Variants in PTPN9 observed in about 807,000 individuals in gnomAD.
PTPN9 encodes the protein protein tyrosine phosphatase non-receptor type 9.
PTPN9 carries 26 observed loss-of-function variants against 69.8 expected under a neutral mutation model. The observed-to-expected ratio is 0.37, with a 90% confidence interval of 0.27 to 0.52. The LOEUF (loss-of-function observed/expected upper bound fraction) is 0.52. PTPN9 is among the 20% of genes least tolerant of loss of function. The pLI, the probability that PTPN9 is intolerant of heterozygous loss-of-function variation, is 0.91. For synonymous variants in PTPN9, 274 were observed against 272.5 expected (o/e 1.01, Z -0.05); for missense variants, 549 against 740.3 (o/e 0.74, Z 3.00).
At chr15:75,576,302 C>T (rs1047257608) in intron 1 of PTPN9, among the ~76,000 whole-genome samples, 39 of 152,024 alleles carry the variant, frequency 2.6e-4, no homozygotes, top group African/African-American at 9.2e-4. Context: ...GAGGCCAAGG[C>T]GGGTGGATCA....
At chr15:75,540,543 TAA>T (rs1295928433) in intron 1 of PTPN9, among the ~76,000 whole-genome samples, 7 of 112,786 alleles carry the variant, frequency 6.2e-5, no homozygotes, top group Non-Finnish European at 1.8e-5. Flanking sequence ...ACTCTGTCTC[TAA>T]AAAAAAAAAA....
At chr15:75,537,930 C>T (rs543167648) in intron 1 of PTPN9, among the ~76,000 whole-genome samples, 2 of 146,000 alleles carry the variant, frequency 1.4e-5, no homozygotes, top group Non-Finnish European at 3.0e-5. Context: ...GTGGTGGTGC[C>T]TGCCTGTAAT....
chr15:75,494,180 G>A (rs969669099), intron 7 of PTPN9, among the ~76,000 whole-genome samples: 2 of 149,066 alleles, frequency 1.3e-5, no homozygotes, highest in Non-Finnish European at 3.0e-5. Flanking sequence ...TACATATAGA[G>A]AGAGAGCGCG....
intron 5 of PTPN9, among the ~76,000 whole-genome samples, chr15:75,511,838 C>A (rs1319579562): frequency 6.6e-6 from 1 of 150,636 alleles, no homozygotes; most frequent in Admixed American, 6.7e-5. Flanking sequence ...TTATCTTTTC[C>A]TTTTAATTTT....
At chr15:75,474,899 C>T (rs1159023159) in intron 9 of PTPN9, among the ~76,000 whole-genome samples, 1 of 152,148 alleles carries the variant, frequency 6.6e-6, no homozygotes, top group Non-Finnish European at 1.5e-5. Context: ...AACATAGACA[C>T]ACCATGCTCA....
intron 9 of PTPN9, among the ~76,000 whole-genome samples, chr15:75,479,361 CTTA>C (rs976830765): frequency 2.0e-5 from 3 of 152,262 alleles, no homozygotes; most frequent in African/African-American, 7.2e-5. Flanking sequence ...CACTGTCAGA[CTTA>C]TTAGCACATA....
chr15:75,511,419 T>C (rs918061310), intron 5 of PTPN9, among the ~76,000 whole-genome samples: 1 of 152,036 alleles, frequency 6.6e-6, no homozygotes. Context: ...TGTATTTTTG[T>C]AGAATAAAAA....
intron 10 of PTPN9, among the ~76,000 whole-genome samples, chr15:75,473,327 G>A (rs1595945149): frequency 6.6e-6 from 1 of 151,972 alleles, no homozygotes; most frequent in Non-Finnish European, 1.5e-5. Context: ...TCAGCTCACT[G>A]CAACCTCTGC....
chr15:75,498,204 T>C (rs2074753963), intron 7 of PTPN9, among the ~76,000 whole-genome samples: 1 of 151,610 alleles, frequency 6.6e-6, no homozygotes, highest in Non-Finnish European at 1.5e-5. Flanking sequence ...CAGAGAAATA[T>C]ATATATATAT....
chr15:75,504,460 G>A (rs1174860732), intron 7 of PTPN9, among the ~76,000 whole-genome samples: 1 of 133,224 alleles, frequency 7.5e-6, no homozygotes, highest in Non-Finnish European at 1.6e-5. Context: ...CCGGCCAGCC[G>A]CCCGGTCCGG....
At chr15:75,562,292 C>T (rs2075107310) in intron 1 of PTPN9, among the ~76,000 whole-genome samples, 1 of 152,174 alleles carries the variant, frequency 6.6e-6, no homozygotes, top group African/African-American at 2.4e-5. Flanking sequence ...TAAACAGTGA[C>T]ATCTTGGAAC....
chr15:75,503,292 C>G (rs1441578248), intron 7 of PTPN9, among the ~76,000 whole-genome samples: 1 of 145,846 alleles, frequency 6.9e-6, no homozygotes, highest in East Asian at 2.1e-4. Flanking sequence ...CCCGCTGCCC[C>G]GTCTGGGATG....
At chr15:75,490,726 G>T (rs757166372) in intron 7 of PTPN9, among the ~76,000 whole-genome samples, 1 of 152,074 alleles carries the variant, frequency 6.6e-6, no homozygotes, top group Non-Finnish European at 1.5e-5. Context: ...CTGGGTTCAC[G>T]CCATTCTCCT....
intron 5 of PTPN9, chr15:75,513,423 T>C: frequency 2.2e-6 from 1 of 455,836 alleles, no homozygotes; most frequent in South Asian, 1.6e-5. Flanking sequence ...TCCAAATCAG[T>C]AGAACTAAAG....
chr15:75,521,795 AAG>A (rs1417073005), intron 4 of PTPN9, among the ~76,000 whole-genome samples: 1 of 152,222 alleles, frequency 6.6e-6, no homozygotes, highest in African/African-American at 2.4e-5. Flanking sequence ...CACTTTGAAG[AAG>A]ACGGATGATG....
intron 8 of PTPN9, among the ~76,000 whole-genome samples, chr15:75,486,541 A>G (rs1439843819): frequency 6.6e-6 from 1 of 152,176 alleles, no homozygotes; most frequent in Admixed American, 6.6e-5. Flanking sequence ...TCTGTTGTTT[A>G]TAAGCCATCC....
chr15:75,528,166 C>T (rs1425395344), intron 1 of PTPN9, among the ~76,000 whole-genome samples: 4 of 152,132 alleles, frequency 2.6e-5, no homozygotes, highest in Non-Finnish European at 5.9e-5. Flanking sequence ...CAATAACAGC[C>T]CCTCTGGATA....
At chr15:75,532,401 CAA>C (rs577778299) in intron 1 of PTPN9, among the ~76,000 whole-genome samples, 4 of 133,270 alleles carry the variant, frequency 3.0e-5, no homozygotes, top group Non-Finnish European at 3.3e-5. Context: ...GACTCTGTCT[CAA>C]AAAAAAAAAA....
intron 8 of PTPN9, among the ~76,000 whole-genome samples, chr15:75,483,201 C>G (rs138639185): frequency 1.2e-4 from 18 of 152,306 alleles, no homozygotes; most frequent in Admixed American, 5.9e-4. Flanking sequence ...TAAACAGTTA[C>G]CATATGACCC....
Sources: gnomAD v4.1 joint callset for allele counts (sites outside exome capture counted in the v4.1 genomes callset) on GRCh38, gnomAD v4.1.1 for gene constraint, MANE v1.5 for transcripts, NCBI Gene and HGNC (gene_info 2026-07-23, HGNC 2026-07-21) for gene names.